Variants in SLC9A9 observed in about 807,000 individuals in gnomAD.
SLC9A9 encodes solute carrier family 9 member A9, also known as sodium/hydrogen exchanger 9.
Under a neutral mutation model 77.8 loss-of-function variants are expected in SLC9A9, and 62 were observed. That is an observed-to-expected ratio of 0.80 (90% CI 0.65 to 0.98). SLC9A9 has a LOEUF of 0.98. Among genes scored for constraint, SLC9A9 ranks in the 50% least tolerant of loss-of-function variants. SLC9A9 has a pLI of 0.00. For synonymous variants in SLC9A9, 320 were observed against 283.5 expected (o/e 1.13, Z -1.29); for missense variants, 775 against 774.9 (o/e 1.00, Z 0.00).
chr3:143,291,762 C>CT (rs34198928), intron 14 of SLC9A9, among the ~76,000 whole-genome samples: 7 of 152,140 alleles, frequency 4.6e-5, no homozygotes, highest in Non-Finnish European at 1.0e-4. Flanking sequence ...GGTGCCATTC[C>CT]TTTTTCCAAA....
chr3:143,272,568 A>G (rs1049239479), intron 14 of SLC9A9, among the ~76,000 whole-genome samples: 2 of 152,188 alleles, frequency 1.3e-5, no homozygotes, highest in African/African-American at 4.8e-5. Flanking sequence ...TGGATAACCA[A>G]TTTGGAATTG....
rs138396555 is a variant in SLC9A9 at position 143,816,519 on chromosome 3, C to G, written c.378+15500G>C. Reference sequence around the variant, plus strand: ...ATATTAATATACAAGTGATCTCATCCATTCACTTAAACTGCTGTGTAATGT... The same window carrying G: ...ATATTAATATACAAGTGATCTCATCGATTCACTTAAACTGCTGTGTAATGT... On this transcript the variant is annotated intron_variant, in intron 2 of 15. Transcript: ENST00000316549. Among the ~76,000 whole-genome samples, 493 of 152,258 alleles carry G rather than the reference C, an allele frequency of 3.2e-3. 6 individuals are homozygous for G. The highest frequency in any genetic ancestry group is 0.011 in the African/African-American group (477 of 41,540).
chr3:143,282,716 A>G (rs1008272978), intron 14 of SLC9A9, among the ~76,000 whole-genome samples: 1 of 152,224 alleles, frequency 6.6e-6, no homozygotes, highest in African/African-American at 2.4e-5. Flanking sequence ...GAAGCTATAT[A>G]AAAAGATAAA....
At chr3:143,562,716 C>T (rs2037107468) in intron 8 of SLC9A9, among the ~76,000 whole-genome samples, 1 of 150,982 alleles carries the variant, frequency 6.6e-6, no homozygotes, top group South Asian at 2.1e-4. Flanking sequence ...AAAATCTGAT[C>T]ATTCTGTTTC....
chr3:143,599,093 C>A (rs2037804703), intron 6 of SLC9A9, among the ~76,000 whole-genome samples: 1 of 152,222 alleles, frequency 6.6e-6, no homozygotes, highest in Non-Finnish European at 1.5e-5. Flanking sequence ...CACATAGGTG[C>A]AGTGCACCAG....
chr3:143,755,780 A>G (rs1466292657), intron 4 of SLC9A9, among the ~76,000 whole-genome samples: 2 of 152,146 alleles, frequency 1.3e-5, no homozygotes, highest in Non-Finnish European at 2.9e-5. Context: ...AATGCCAAAC[A>G]TATTGTATTA....
At chr3:143,617,545 A>G (rs751265764) in intron 6 of SLC9A9, among the ~76,000 whole-genome samples, 4 of 152,266 alleles carry the variant, frequency 2.6e-5, no homozygotes, top group Non-Finnish European at 5.9e-5. Flanking sequence ...AAAAGAAAAT[A>G]CATTTAACAT....
chr3:143,537,971 T>C (rs2036620819), intron 9 of SLC9A9, among the ~76,000 whole-genome samples: 1 of 152,246 alleles, frequency 6.6e-6, no homozygotes, highest in Admixed American at 6.5e-5. Context: ...CACACATATA[T>C]CACTACATGT....
intron 2 of SLC9A9, among the ~76,000 whole-genome samples, chr3:143,819,094 G>T (rs1353252980): frequency 6.6e-6 from 1 of 151,968 alleles, no homozygotes; most frequent in African/African-American, 2.4e-5. Context: ...AAAAAAAGGA[G>T]GATCACTGAA....
chr3:143,847,924 C>T, intron 1 of SLC9A9: 1 of 585,322 alleles, frequency 1.7e-6, no homozygotes, highest in Non-Finnish European at 3.1e-6. Context: ...GCATTATGTG[C>T]CGTGTGAGAA....
At chr3:143,678,403 A>G (rs1932955842) in intron 5 of SLC9A9, among the ~76,000 whole-genome samples, 1 of 151,910 alleles carries the variant, frequency 6.6e-6, no homozygotes, top group Non-Finnish European at 1.5e-5. Flanking sequence ...AGATTTATAG[A>G]TTTTCTTGCA....
intron 4 of SLC9A9, among the ~76,000 whole-genome samples, chr3:143,780,762 T>G (rs1397041869): frequency 6.6e-6 from 1 of 152,182 alleles, no homozygotes; most frequent in Non-Finnish European, 1.5e-5. Context: ...ACTGGCCAAG[T>G]GGACAGAGTC....
At chr3:143,591,180 A>C (rs2037638844) in intron 6 of SLC9A9, among the ~76,000 whole-genome samples, 2 of 152,188 alleles carry the variant, frequency 1.3e-5, no homozygotes, top group South Asian at 4.1e-4. Flanking sequence ...CTGATCTCCC[A>C]TTTATTAGCA....
intron 6 of SLC9A9, among the ~76,000 whole-genome samples, chr3:143,647,047 T>C (rs1306440814): frequency 6.6e-6 from 1 of 152,194 alleles, no homozygotes; most frequent in African/African-American, 2.4e-5. Flanking sequence ...CCTTTTATTA[T>C]TGGTCTTTGA....
intron 4 of SLC9A9, among the ~76,000 whole-genome samples, chr3:143,750,354 C>T (rs181012950): frequency 5.9e-5 from 9 of 152,292 alleles, no homozygotes; most frequent in African/African-American, 1.7e-4. Context: ...TTCAGAGCCC[C>T]AATTCTCTTG....
In SLC9A9 at chr3:143,539,640, G is replaced by A. The variant is rs142749279; in HGVS notation, c.1089+12722C>T. ...AAACAGGATGATAAAACTGTAATGG[G>A]CTATTAAAGGGGGTTATGCCATTGC... On this transcript the variant is annotated intron_variant, in intron 9 of 15. Transcript: ENST00000316549. Among the ~76,000 whole-genome samples, 43 of 152,226 alleles carry A rather than the reference G, an allele frequency of 2.8e-4. 1 individual carries two copies. Among genetic ancestry groups the A allele is most frequent in the Non-Finnish European group, 5.9e-4 (40 of 68,018 alleles).
At chr3:143,674,086 A>G (rs2039200576) in intron 5 of SLC9A9, among the ~76,000 whole-genome samples, 1 of 152,230 alleles carries the variant, frequency 6.6e-6, no homozygotes, top group Admixed American at 6.5e-5. Flanking sequence ...GTTTTAAAAC[A>G]CTTAGCAATT....
chr3:143,564,071 G>T (rs916152574), intron 8 of SLC9A9, among the ~76,000 whole-genome samples: 1 of 152,196 alleles, frequency 6.6e-6, no homozygotes, highest in African/African-American at 2.4e-5. Context: ...TTCAAGAAAT[G>T]TTTATGTGCT....
chr3:143,408,076 A>G (rs1057048698), intron 12 of SLC9A9, among the ~76,000 whole-genome samples: 1 of 152,138 alleles, frequency 6.6e-6, no homozygotes, highest in Non-Finnish European at 1.5e-5. Context: ...ACACATGCTG[A>G]GAGAGACAGC....
Sources: allele counts gnomAD v4.1 joint callset (sites outside exome capture counted in the v4.1 genomes callset), GRCh38; gene constraint gnomAD v4.1.1; transcripts MANE v1.5; gene names NCBI Gene and HGNC (gene_info 2026-07-23, HGNC 2026-07-21).